CLOCK: variants seen among roughly 807,000 people sequenced by gnomAD.
The protein encoded by CLOCK is circadian locomoter output cycles protein kaput.
A neutral mutation model predicts 118.4 loss-of-function variants in CLOCK; 43 were observed. The ratio of observed to expected loss-of-function variants is 0.36; its 90% CI spans 0.28 to 0.47. CLOCK has a LOEUF of 0.47. Among genes scored for constraint, CLOCK ranks in the 20% least tolerant of loss-of-function variants. The pLI, the probability that CLOCK is intolerant of heterozygous loss-of-function variation, is 1.00. For synonymous variants in CLOCK, 326 were observed against 339.2 expected (o/e 0.96, Z 0.43); for missense variants, 846 against 999.9 (o/e 0.85, Z 2.08).
intron 2 of CLOCK, among the ~76,000 whole-genome samples, chr4:55,499,431 T>C (rs1326009155): frequency 6.6e-6 from 1 of 152,198 alleles, no homozygotes; most frequent in African/African-American, 2.4e-5. Context: ...TTGTTAGGGA[T>C]GGTTTCTGGA....
rs187819788 is a variant in CLOCK, at chr4:55,438,515, C to T, written c.2128G>A (p.Val710Met). The change falls in exon 22 of 23, where the codon GTG becomes ATG. Residue 710 changes from valine to methionine, a missense_variant. Val to Met is a conservative substitution (Grantham distance 21, BLOSUM62 1). Transcript: ENST00000513440. ...QIRFSQGQQL[V>M]TKLVTAPVAC... Reference sequence around the variant, plus strand: ...ACAGGAGCAGTCACTAATTTGGTCACAAGTTGTTGACCTTGAGAAAATCTG... The same window carrying T: ...ACAGGAGCAGTCACTAATTTGGTCATAAGTTGTTGACCTTGAGAAAATCTG... 42 of 1,613,576 alleles carry T rather than the reference C, an allele frequency of 2.6e-5. No homozygotes were observed. In the Admixed American group the frequency reaches 5.7e-4, roughly 22 times the overall value.
chr4:55,474,063 A>G (rs2109869933), intron 7 of CLOCK, among the ~76,000 whole-genome samples: 1 of 152,352 alleles, frequency 6.6e-6, no homozygotes, highest in Admixed American at 6.5e-5. Context: ...GATTAAGCTT[A>G]GTGAGGAAGG....
intron 1 of CLOCK, among the ~76,000 whole-genome samples, chr4:55,535,675 TA>T (rs1349447538): frequency 6.6e-6 from 1 of 151,492 alleles, no homozygotes; most frequent in Non-Finnish European, 1.5e-5. Context: ...ATCATATTTT[TA>T]AAGTTAGTGA....
chr4:55,541,775 C>T (rs1298328013), intron 1 of CLOCK, among the ~76,000 whole-genome samples: 1 of 152,010 alleles, frequency 6.6e-6, no homozygotes, highest in African/African-American at 2.4e-5. Context: ...ATGGTTCTTT[C>T]CAGCGGGAAA....
chr4:55,483,402 A>G (rs1727066010), intron 3 of CLOCK, among the ~76,000 whole-genome samples: 1 of 152,236 alleles, frequency 6.6e-6, no homozygotes, highest in Non-Finnish European at 1.5e-5. Flanking sequence ...TCTTGATGAC[A>G]GTAAGTCTGT....
At position 55,428,781 on chromosome 4, in the gene CLOCK, G is replaced by A. The variant is rs1042300717; in HGVS notation, c.*6634C>T. 1 of 150,264 alleles carries A rather than the reference G, an allele frequency of 6.7e-6. No individual in the cohort carries two copies. Among genetic ancestry groups the A allele is most frequent in the Admixed American group, 6.6e-5 (1 of 15,104 alleles). 9.3% of individuals were successfully genotyped at this position (150,264 alleles called of 1,614,324 possible). ...TGTTAACAATGAAAAATTTACAAAG[G>A]TAAAACTTTTTTTTTTTTTTTGCAC... On this transcript the variant is annotated 3_prime_UTR_variant, in exon 23 of 23. Coordinates refer to ENST00000513440, the MANE Select transcript of CLOCK (RefSeq NM_004898.4).
Position 55,435,351 on chromosome 4 carries a change from A to G in CLOCK, c.*64T>C. ...GAACTTTCCCTCCTTTCCTCAGGTC[A>G]TCTGAGTAACTCTTAATGGGCCATC... On this transcript the variant is annotated 3_prime_UTR_variant, in exon 23 of 23. Transcript: ENST00000513440. 6.3e-7 allele frequency: 1 copy of G among 1,583,620 alleles called. No homozygotes were observed. The highest frequency in any genetic ancestry group is 8.7e-7 in the Non-Finnish European group (1 of 1,153,650).
chr4:55,466,293 T>A (rs1725734893), intron 8 of CLOCK, among the ~76,000 whole-genome samples: 1 of 152,132 alleles, frequency 6.6e-6, no homozygotes, highest in African/African-American at 2.4e-5. Context: ...AAGAGGGACG[T>A]GTTTGCTTCC....
rs1346243828 is a variant in CLOCK at position 55,429,947 on chromosome 4, C to T, written c.*5468G>A. The T allele has an allele frequency of 6.6e-6, 1 of 152,202 alleles. No homozygotes were observed. The highest frequency in any genetic ancestry group is 6.5e-5 in the Admixed American group (1 of 15,286). The allele number at this position is 152,202 out of a possible 1,614,324, so 9.4% of individuals were successfully genotyped here. A position where few individuals can be genotyped will look rare whatever the true frequency, so the allele number is the denominator to read the frequency against. On this transcript the variant is annotated 3_prime_UTR_variant, in exon 23 of 23. Transcript: ENST00000513440. ...TAAAGATTATCATGAGAGTTGGTGA[C>T]TGCACCCCAAATCAGAGCCAGTTCC...
At chr4:55,519,501 AT>A (rs1326270460) in intron 1 of CLOCK, among the ~76,000 whole-genome samples, 3 of 152,178 alleles carry the variant, frequency 2.0e-5, no homozygotes, top group Non-Finnish European at 2.9e-5. Context: ...AATAAATGTC[AT>A]TGGACCAGGC....
At chr4:55,543,265 T>C (rs190234850) in intron 1 of CLOCK, among the ~76,000 whole-genome samples, 1 of 152,248 alleles carries the variant, frequency 6.6e-6, no homozygotes, top group East Asian at 1.9e-4. Context: ...CCATAACAAT[T>C]GGCCCCTCAC....
Position 55,472,625 on chromosome 4 carries a change from C to T in CLOCK, c.349-1819G>A, listed in dbSNP as rs569176598. ...CCTTGTATCTGCAGCACTAGTGTAG[C>T]GCAAGTAAAAATACTTGCAGTATAT... On this transcript the variant is annotated intron_variant, in intron 7 of 22. Transcript: ENST00000513440. Among the ~76,000 whole-genome samples, 5 of 152,156 alleles carry T rather than the reference C, an allele frequency of 3.3e-5. No homozygotes were observed. The South Asian group carries it at 1.0e-3, about 32-fold the overall frequency.
At chr4:55,516,186 AAGTAGTC>A (rs1313408251) in intron 1 of CLOCK, among the ~76,000 whole-genome samples, 1 of 152,188 alleles carries the variant, frequency 6.6e-6, no homozygotes, top group African/African-American at 2.4e-5. Context: ...TTGTTGGATG[AAGTAGTC>A]TATAGATGTC....
At chr4:55,474,454 C>T (rs1259968326) in intron 7 of CLOCK, among the ~76,000 whole-genome samples, 2 of 152,062 alleles carry the variant, frequency 1.3e-5, no homozygotes, top group Admixed American at 6.6e-5. Context: ...GCAAGTGATC[C>T]GGGAGACCTG....
In CLOCK at chr4:55,449,489, T is replaced by G. The variant is rs752042168; in HGVS notation, c.1356A>C (p.Pro452=). 2 of 1,614,010 alleles carry G rather than the reference T, an allele frequency of 1.2e-6. No individual in the cohort carries two copies. The highest frequency in any genetic ancestry group is 2.2e-5 in the South Asian group (2 of 91,088). Residue 452 remains proline (P), a synonymous_variant, in exon 17 of 23, where the codon CCA becomes CCC. Transcript: ENST00000513440. ...TGCTCGTATCCGTCGGGATCTTGGT[T>G]GGTGTTGCTGAAGTCAACAAAATCA... The part of the protein sequence containing the change: ...HTAVSDPSST[P]TKIPTDTSTP...
At chr4:55,527,630 T>C (rs572260423) in intron 1 of CLOCK, among the ~76,000 whole-genome samples, 45 of 152,266 alleles carry the variant, frequency 3.0e-4, no homozygotes, top group Middle Eastern at 3.4e-3. Flanking sequence ...ATTCAAATCC[T>C]GATACAAATA....
At chr4:55,517,877 T>C (rs940118587) in intron 1 of CLOCK, among the ~76,000 whole-genome samples, 2 of 152,152 alleles carry the variant, frequency 1.3e-5, no homozygotes, top group Admixed American at 1.3e-4. Flanking sequence ...GAGAACATTA[T>C]GTCAATACCC....
intron 1 of CLOCK, among the ~76,000 whole-genome samples, chr4:55,536,870 C>T (rs530977179): frequency 6.6e-6 from 1 of 151,840 alleles, no homozygotes; most frequent in Non-Finnish European, 1.5e-5. Flanking sequence ...AATTATGAGA[C>T]ATAAACAAAA....
intron 14 of CLOCK, 96 bp from the exon 15 acceptor site, chr4:55,453,225 G>A: frequency 1.0e-6 from 1 of 993,274 alleles, no homozygotes; most frequent in Non-Finnish European, 1.6e-6. Context: ...TGTCTCATCT[G>A]TTCATCTAGA....
Sources: allele counts gnomAD v4.1 joint callset (sites outside exome capture counted in the v4.1 genomes callset), GRCh38; gene constraint gnomAD v4.1.1; transcripts MANE v1.5; gene names NCBI Gene and HGNC (gene_info 2026-07-23, HGNC 2026-07-21).